TENM4: variants seen among roughly 807,000 people sequenced by gnomAD.
TENM4 encodes the protein teneurin-4.
A neutral mutation model predicts 243.3 loss-of-function variants in TENM4; 82 were observed. The ratio of observed to expected loss-of-function variants is 0.34; its 90% CI spans 0.28 to 0.40. The LOEUF is 0.40. TENM4 is among the 10% of genes least tolerant of loss of function. TENM4 has a pLI of 1.00. For missense variants in TENM4, 3,138 were observed against 3,673.3 expected (o/e 0.85, Z 3.77); for synonymous variants, 1,412 against 1,456.3 (o/e 0.97, Z 0.69).
intron 6 of TENM4, among the ~76,000 whole-genome samples, chr11:79,027,279 C>G (rs1859105002): frequency 6.6e-6 from 1 of 152,184 alleles, no homozygotes; most frequent in Non-Finnish European, 1.5e-5. Flanking sequence ...CCCAAAGATT[C>G]ACGCAGTCAC....
intron 18 of TENM4, among the ~76,000 whole-genome samples, chr11:78,769,853 C>T (rs1856611519): frequency 6.6e-6 from 1 of 152,242 alleles, no homozygotes; most frequent in Non-Finnish European, 1.5e-5. Flanking sequence ...GCTGCTGAAA[C>T]CCACTCAAGG....
At chr11:79,349,439 TG>T (rs891425452) in intron 1 of TENM4, among the ~76,000 whole-genome samples, 12 of 152,220 alleles carry the variant, frequency 7.9e-5, no homozygotes, top group African/African-American at 2.9e-4. Context: ...TTGCCCTTTG[TG>T]GTTTGCAAAG....
In TENM4 at chr11:78,948,566, T is replaced by C. The variant is rs1474320766; in HGVS notation, c.494-45043A>G. On this transcript the variant is annotated intron_variant, in intron 6 of 33. Transcript: ENST00000278550. ...TTTTGTATTTTTAGTAGAGATGGGG[T>C]CTCACAGTGTTAGCCAGGATGGTCT... is the stretch of plus-strand genomic sequence containing the variant. Among the ~76,000 whole-genome samples the C allele has an allele frequency of 2.0e-5, 3 of 152,104 alleles. 1 individual carries two copies. The highest frequency in any genetic ancestry group is 4.1e-4 in the South Asian group (2 of 4,826).
intron 4 of TENM4, among the ~76,000 whole-genome samples, chr11:79,144,361 A>G (rs1371638623): frequency 1.3e-5 from 2 of 152,098 alleles, no homozygotes; most frequent in East Asian, 3.9e-4. Context: ...GCTATGGAGA[A>G]CAGTTTGGAG....
At chr11:78,710,559 T>C (rs1007497071) in intron 26 of TENM4, among the ~76,000 whole-genome samples, 1 of 152,262 alleles carries the variant, frequency 6.6e-6, no homozygotes, top group Non-Finnish European at 1.5e-5. Context: ...AGGCGTTTTC[T>C]TGTCTGCCTA....
chr11:79,136,930 T>A (rs187939584), intron 4 of TENM4, among the ~76,000 whole-genome samples: 147 of 152,230 alleles, frequency 9.7e-4, no homozygotes, highest in Non-Finnish European at 1.7e-3. Context: ...GTGACAATAC[T>A]TTGCAGGGCT....
At chr11:78,888,015 C>T (rs757493496) in intron 9 of TENM4, among the ~76,000 whole-genome samples, 25 of 152,152 alleles carry the variant, frequency 1.6e-4, no homozygotes, top group African/African-American at 3.1e-4. Flanking sequence ...ACATACTATT[C>T]GTGGTGCCAG....
intron 1 of TENM4, chr11:79,401,935 TC>T (rs1388298949): frequency 1.4e-5 from 4 of 284,132 alleles, no homozygotes; most frequent in Non-Finnish European, 3.3e-5. Context: ...GCCTAGAGGG[TC>T]CTCAGGTGGT....
rs541199336 is a variant in TENM4, at chr11:79,246,828, G to C, written c.-264-30919C>G. 1.9e-4 allele frequency among the ~76,000 whole-genome samples: 29 copies of C among 151,940 alleles called. 1 individual carries two copies. The highest frequency in any genetic ancestry group is 3.4e-3 in the Middle Eastern group (1 of 292). On this transcript the variant is annotated intron_variant, in intron 2 of 33. Coordinates refer to ENST00000278550, the MANE Select transcript of TENM4 (RefSeq NM_001098816.3). ...AGGTGGAGGTGAGGGAAGAGGGAGA[G>C]GGTTGTTTCTTGGGAGGAGCCCAAG... is the stretch of plus-strand genomic sequence containing the variant.
chr11:79,378,038 G>A lies in TENM4; in HGVS notation c.-321+62471C>T, dbSNP rs933896138. 5.9e-5 allele frequency among the ~76,000 whole-genome samples: 9 copies of A among 152,128 alleles called. No homozygotes were observed. In the South Asian group the frequency reaches 8.3e-4, roughly 14 times the overall value. On this transcript the variant is annotated intron_variant, in intron 1 of 33. Transcript: ENST00000278550. ...TCTCATTTCATCATCTTTACTCTCCGTGCCTTCCTTGAGAATTGACTTTTC... is the reference window on the plus strand; with the variant it reads ...TCTCATTTCATCATCTTTACTCTCCATGCCTTCCTTGAGAATTGACTTTTC...
chr11:79,226,368 G>A (rs1864265374), intron 2 of TENM4, among the ~76,000 whole-genome samples: 1 of 152,214 alleles, frequency 6.6e-6, no homozygotes, highest in South Asian at 2.1e-4. Flanking sequence ...AGCTAGCAGA[G>A]GGGGAGAGGG....
intron 7 of TENM4, among the ~76,000 whole-genome samples, chr11:78,892,664 A>G (rs1339097643): frequency 6.6e-6 from 1 of 152,216 alleles, no homozygotes; most frequent in African/African-American, 2.4e-5. Flanking sequence ...GTTACTACCT[A>G]CCCTACATCT....
chr11:79,389,147 GT>G (rs917446491), intron 1 of TENM4, among the ~76,000 whole-genome samples: 5 of 151,934 alleles, frequency 3.3e-5, no homozygotes, highest in Admixed American at 2.6e-4. Flanking sequence ...GACGAGTGGG[GT>G]TTTTTTAGTC....
At chr11:79,241,990 T>A (rs1188636945) in intron 2 of TENM4, among the ~76,000 whole-genome samples, 1 of 152,186 alleles carries the variant, frequency 6.6e-6, no homozygotes, top group Non-Finnish European at 1.5e-5. Flanking sequence ...AGCCCAGCCA[T>A]AAGGCAACCA....
chr11:79,361,392 A>G (rs1857586764), intron 1 of TENM4, among the ~76,000 whole-genome samples: 1 of 152,228 alleles, frequency 6.6e-6, no homozygotes, highest in Non-Finnish European at 1.5e-5. Flanking sequence ...TTTTTTAAGT[A>G]TGAACTAAAT....
At chr11:79,209,774 C>G (rs4945333) in intron 3 of TENM4, among the ~76,000 whole-genome samples, 20,492 of 152,232 alleles carry the variant, frequency 0.13, 1,585 homozygotes, top group South Asian at 0.21. Flanking sequence ...CTGCTAGAAC[C>G]AGCCTTAGCA....
chr11:79,383,595 C>G (rs973829599), intron 1 of TENM4, among the ~76,000 whole-genome samples: 1 of 152,312 alleles, frequency 6.6e-6, no homozygotes. Context: ...TCTTCATGTT[C>G]TGTGCCAGGT....
At position 78,756,829 on chromosome 11, in the gene TENM4, G is replaced by A. The variant is rs759297983; in HGVS notation, c.2732C>T (p.Pro911Leu). 2 of 1,613,792 alleles carry A rather than the reference G, an allele frequency of 1.2e-6. No homozygotes were observed. Among genetic ancestry groups the A allele is most frequent in the East Asian group, 2.2e-5 (1 of 44,852 alleles). The change falls in exon 19 of 34, where the codon CCC becomes CTC. Residue 911 changes from proline to leucine, a missense_variant. By Grantham distance (98) the Pro-to-Leu change is moderately conservative. This residue lies in a region of TENM4 where 2,467 missense variants were observed against 3,059.1 expected (regional missense o/e 0.81). Transcript: ENST00000278550. ...LVGRDSTHIIPGENPFDGGHA... is the reference protein window; with the variant it reads ...LVGRDSTHIILGENPFDGGHA... ...CCCTCCATCAAAGGGGTTCTCCCCG[G>A]GGATTATGTGCGTGCTGTCCCTGCC...
At chr11:78,750,105 C>T (rs1278063974) in intron 19 of TENM4, among the ~76,000 whole-genome samples, 3 of 152,200 alleles carry the variant, frequency 2.0e-5, no homozygotes, top group Admixed American at 2.0e-4. Flanking sequence ...TATGCTGTTG[C>T]TCACACTGGT....
Sources: gnomAD v4.1 joint callset for allele counts (sites outside exome capture counted in the v4.1 genomes callset) on GRCh38, gnomAD v4.1.1 for gene constraint, gnomAD v4.1.1 regional missense constraint, MANE v1.5 for transcripts, NCBI Gene and HGNC (gene_info 2026-07-23, HGNC 2026-07-21) for gene names.